ERBB4: variants seen among roughly 807,000 people sequenced by gnomAD.
The protein encoded by ERBB4 is erb-b2 receptor tyrosine kinase 4.
In ERBB4, 42 loss-of-function variants were observed where a neutral mutation model predicts 158.0. The ratio of observed to expected loss-of-function variants is 0.27; its 90% CI spans 0.21 to 0.34. The LOEUF is 0.34. ERBB4 is among the 10% of genes least tolerant of loss of function. The pLI is 1.00. For missense variants in ERBB4, 1,333 were observed against 1,624.1 expected, an observed-to-expected ratio of 0.82 and a Z score of 3.08; for synonymous variants, 583 against 558.7, an observed-to-expected ratio of 1.04 and a Z score of -0.61.
Position 211,383,221 on chromosome 2 carries a change from G to T in ERBB4, c.*394C>A. On this transcript the variant is annotated 3_prime_UTR_variant, in exon 28 of 28. Coordinates refer to ENST00000342788, the MANE Select transcript of ERBB4 (RefSeq NM_005235.3). ...TCCTGCAGATAGGAACAGATAGCAT[G>T]GGTGTTTCAACCATCTGCTTTAAAA... 1 of 288,870 alleles carries T rather than the reference G, an allele frequency of 3.5e-6. No homozygotes were observed. Among genetic ancestry groups the T allele is most frequent in the East Asian group, 5.3e-5 (1 of 19,014 alleles). The allele number at this position is 288,870 out of a possible 1,614,324, so 17.9% of individuals were successfully genotyped here. A position where few individuals can be genotyped will look rare whatever the true frequency, so the allele number is the denominator to read the frequency against.
At chr2:211,691,400 T>C (rs1460075556) in intron 12 of ERBB4, among the ~76,000 whole-genome samples, 9 of 152,202 alleles carry the variant, frequency 5.9e-5, no homozygotes. Context: ...AGCATATCCC[T>C]GTGTTTATTT....
chr2:211,578,129 A>G (rs1363828193), intron 19 of ERBB4, among the ~76,000 whole-genome samples: 1 of 152,178 alleles, frequency 6.6e-6, no homozygotes, highest in African/African-American at 2.4e-5. Context: ...ATCGGTGTGC[A>G]AAAGTCACAA....
intron 1 of ERBB4, among the ~76,000 whole-genome samples, chr2:212,387,927 T>G (rs1306875276): frequency 6.6e-6 from 1 of 152,098 alleles, no homozygotes; most frequent in Non-Finnish European, 1.5e-5. Context: ...TAACTAGGTG[T>G]GTATAGAAAC....
intron 1 of ERBB4, among the ~76,000 whole-genome samples, chr2:212,472,217 T>C (rs981522113): frequency 6.6e-6 from 1 of 151,256 alleles, no homozygotes; most frequent in African/African-American, 2.4e-5. Flanking sequence ...TATTCAACTT[T>C]CCTACTAAAA....
chr2:211,517,892 C>T (rs764177849), intron 20 of ERBB4, among the ~76,000 whole-genome samples: 9 of 152,040 alleles, frequency 5.9e-5, no homozygotes, highest in Non-Finnish European at 1.3e-4. Context: ...ATGACAGCTT[C>T]CTTTTATAGT....
Position 211,619,026 on chromosome 2 carries a change from T to C in ERBB4, c.2301+151A>G, listed in dbSNP as rs533208180. ...TCTAAAAAGTATAATACAATGTGAA[T>C]TGGTCTTAGAAATGTCTTTAATTAT... On this transcript the variant is annotated intron_variant, in intron 19 of 27. Coordinates refer to ENST00000342788, the MANE Select transcript of ERBB4 (RefSeq NM_005235.3). The C allele has an allele frequency of 2.1e-5, 13 of 632,268 alleles. No homozygotes were observed. The South Asian group carries it at 2.3e-4, about 11-fold the overall frequency. 39.2% of individuals were successfully genotyped at this position (632,268 alleles called of 1,614,324 possible).
chr2:211,461,984 T>G (rs2064545483), intron 20 of ERBB4, among the ~76,000 whole-genome samples: 1 of 152,018 alleles, frequency 6.6e-6, no homozygotes, highest in Non-Finnish European at 1.5e-5. Context: ...TTATGGCAAT[T>G]AAAATGCTCC....
chr2:211,982,850 T>G (rs2081841760), intron 2 of ERBB4, among the ~76,000 whole-genome samples: 1 of 152,266 alleles, frequency 6.6e-6, no homozygotes, highest in South Asian at 2.1e-4. Context: ...AAATGTTACA[T>G]TTTTGCTCTT....
At chr2:211,915,754 A>C (rs1222390992) in intron 3 of ERBB4, among the ~76,000 whole-genome samples, 2 of 151,864 alleles carry the variant, frequency 1.3e-5, no homozygotes, top group Non-Finnish European at 2.9e-5. Flanking sequence ...TATAAGAAAA[A>C]GATAAAAAGG....
chr2:212,439,787 C>A (rs747149538), intron 1 of ERBB4, among the ~76,000 whole-genome samples: 1 of 152,080 alleles, frequency 6.6e-6, no homozygotes, highest in Non-Finnish European at 1.5e-5. Flanking sequence ...GTCATTCCAA[C>A]ACCTGAGGAA....
intron 20 of ERBB4, among the ~76,000 whole-genome samples, chr2:211,489,375 C>T (rs1454911027): frequency 6.6e-6 from 1 of 151,956 alleles, no homozygotes; most frequent in Non-Finnish European, 1.5e-5. Flanking sequence ...AGGCATATGA[C>T]TTTAGGCGGC....
chr2:212,534,537 C>T (rs1219694235), intron 1 of ERBB4, among the ~76,000 whole-genome samples: 16 of 152,084 alleles, frequency 1.1e-4, no homozygotes, highest in Admixed American at 1.0e-3. Flanking sequence ...GTCTGGCCAA[C>T]CAGCCATATC....
intron 2 of ERBB4, among the ~76,000 whole-genome samples, chr2:212,106,602 T>C (rs911734324): frequency 6.6e-6 from 1 of 152,216 alleles, no homozygotes; most frequent in Non-Finnish European, 1.5e-5. Context: ...AAAATCTGCA[T>C]AAGTAGCTAG....
At chr2:211,958,363 G>T (rs1235865517) in intron 2 of ERBB4, among the ~76,000 whole-genome samples, 1 of 152,004 alleles carries the variant, frequency 6.6e-6, no homozygotes, top group Non-Finnish European at 1.5e-5. Context: ...AAATTTAAAT[G>T]TTTTTCTTAT....
intron 20 of ERBB4, among the ~76,000 whole-genome samples, chr2:211,526,925 A>T (rs1461794011): frequency 1.3e-5 from 2 of 152,134 alleles, no homozygotes; most frequent in East Asian, 3.9e-4. Context: ...AATAAAAAAC[A>T]ATAAAGCATG....
intron 1 of ERBB4, among the ~76,000 whole-genome samples, chr2:212,199,563 G>C (rs900614631): frequency 6.6e-6 from 1 of 152,132 alleles, no homozygotes; most frequent in Non-Finnish European, 1.5e-5. Flanking sequence ...TCTTTCTTAA[G>C]CTAATTGTCA....
At chr2:212,454,255 A>G (rs1688161096) in intron 1 of ERBB4, among the ~76,000 whole-genome samples, 1 of 152,292 alleles carries the variant, frequency 6.6e-6, no homozygotes, top group East Asian at 1.9e-4. Flanking sequence ...CTTAACTTCT[A>G]TAACTTACTG....
At chr2:211,528,187 A>C (rs1180105230) in intron 20 of ERBB4, among the ~76,000 whole-genome samples, 1 of 152,066 alleles carries the variant, frequency 6.6e-6, no homozygotes, top group Non-Finnish European at 1.5e-5. Context: ...AATGGAAACA[A>C]AAAAAGAGCA....
chr2:212,389,076 C>T (rs898461364), intron 1 of ERBB4, among the ~76,000 whole-genome samples: 4 of 152,044 alleles, frequency 2.6e-5, no homozygotes, highest in African/African-American at 9.7e-5. Flanking sequence ...TGGTCAGAAC[C>T]GCCTTTATGG....
Sources: allele counts gnomAD v4.1 joint callset (sites outside exome capture counted in the v4.1 genomes callset), GRCh38; gene constraint gnomAD v4.1.1; transcripts MANE v1.5; gene names NCBI Gene and HGNC (gene_info 2026-07-23, HGNC 2026-07-21).